Variants in MECOM observed in about 807,000 individuals in gnomAD.
The protein encoded by MECOM is histone-lysine N-methyltransferase MECOM.
In MECOM, 13 loss-of-function variants were observed where a neutral mutation model predicts 116.3. The observed-to-expected ratio is 0.11, with a 90% CI of 0.07 to 0.18. The LOEUF (loss-of-function observed/expected upper bound fraction) is 0.18. Ranked by LOEUF, MECOM falls within the 10% of genes least tolerant of loss-of-function variation. The pLI is 1.00. For synonymous variants in MECOM, 528 were observed against 535.2 expected (o/e 0.99, Z 0.19); for missense variants, 1,299 against 1,509.0 (o/e 0.86, Z 2.31).
At chr3:169,198,978 T>A (rs1395222879) in intron 2 of MECOM, among the ~76,000 whole-genome samples, 2 of 152,026 alleles carry the variant, frequency 1.3e-5, no homozygotes, top group Non-Finnish European at 2.9e-5. Context: ...ATGGAATAAG[T>A]GTGGTCTATA....
At chr3:169,157,812 G>C (rs1279889673) in intron 2 of MECOM, among the ~76,000 whole-genome samples, 1 of 152,128 alleles carries the variant, frequency 6.6e-6, no homozygotes, top group African/African-American at 2.4e-5. Flanking sequence ...ACTAGAAGGG[G>C]GGGATGCCAG....
intron 1 of MECOM, among the ~76,000 whole-genome samples, chr3:169,397,775 G>A (rs1463403149): frequency 6.6e-6 from 1 of 152,170 alleles, no homozygotes; most frequent in East Asian, 1.9e-4. Flanking sequence ...TTATATGAAA[G>A]TGAGGAGTAG....
At chr3:169,420,180 C>A (rs559611709) in intron 1 of MECOM, among the ~76,000 whole-genome samples, 16 of 152,220 alleles carry the variant, frequency 1.1e-4, no homozygotes, top group East Asian at 1.9e-4. Flanking sequence ...ATTAGTTCAA[C>A]CATTGTGGAA....
intron 1 of MECOM, among the ~76,000 whole-genome samples, chr3:169,592,596 A>G (rs1271688586): frequency 6.6e-6 from 1 of 152,212 alleles, no homozygotes; most frequent in African/African-American, 2.4e-5. Context: ...TTATCCAAGC[A>G]CATGAGCTTC....
chr3:169,494,646 T>A (rs1753598285), intron 1 of MECOM, among the ~76,000 whole-genome samples: 1 of 152,200 alleles, frequency 6.6e-6, no homozygotes, highest in Non-Finnish European at 1.5e-5. Context: ...CCTATCTGTA[T>A]TAACTAATCG....
At chr3:169,390,317 T>C (rs1464717435) in intron 1 of MECOM, among the ~76,000 whole-genome samples, 1 of 152,190 alleles carries the variant, frequency 6.6e-6, no homozygotes, top group East Asian at 1.9e-4. Flanking sequence ...TCCCAACATG[T>C]AACCTAGGAG....
chr3:169,483,166 C>T (rs1751588996), intron 1 of MECOM, among the ~76,000 whole-genome samples: 1 of 149,792 alleles, frequency 6.7e-6, no homozygotes, highest in African/African-American at 2.4e-5. Flanking sequence ...TAAATAAATA[C>T]ATGGAGTGAA....
intron 1 of MECOM, among the ~76,000 whole-genome samples, chr3:169,450,883 T>C (rs1289967391): frequency 6.6e-6 from 1 of 152,192 alleles, no homozygotes; most frequent in Non-Finnish European, 1.5e-5. Context: ...AAGTTCATAA[T>C]GGGAACCGAA....
chr3:169,127,965 A>G lies in MECOM; in HGVS notation c.709T>C (p.Ser237Pro), dbSNP rs1396385722. 6.2e-7 allele frequency: 1 copy of G among 1,614,016 alleles called. No homozygotes were observed. The highest frequency in any genetic ancestry group is 8.5e-7 in the Non-Finnish European group (1 of 1,179,910). The change falls in exon 5 of 17, where the codon TCA (serine) becomes CCA (proline). Residue 237 changes from serine (S) to proline (P), a missense_variant. Transcript: ENST00000651503. ...TCCTCTTCAACCATTGAAAATGCTG[A>G]GTGAGGAGTACTGCATGGAAACTTT... ...HQKFPCSTPHSAFSMVEEDFQ... is the reference protein window; with the variant it reads ...HQKFPCSTPHPAFSMVEEDFQ...
At chr3:169,344,825 T>C (rs1456798140) in intron 2 of MECOM, among the ~76,000 whole-genome samples, 2 of 152,170 alleles carry the variant, frequency 1.3e-5, no homozygotes, top group African/African-American at 4.8e-5. Flanking sequence ...TTCTGGTCCA[T>C]AGGCTTCCTG....
In MECOM at chr3:169,361,162, C is replaced by T. The variant is rs147291888; in HGVS notation, c.375+20025G>A. On this transcript the variant is annotated intron_variant, in intron 2 of 16. Transcript: ENST00000651503. ...TTAAATGTACAGCTCTTACCTCTCT[C>T]AACCCTGCTCCACCGCACTACAAGA... Among the ~76,000 whole-genome samples the T allele has an allele frequency of 4.8e-3, 731 of 151,982 alleles. 5 individuals carry two copies. Among genetic ancestry groups the T allele is most frequent in the African/African-American group, 0.016 (679 of 41,498 alleles).
intron 1 of MECOM, among the ~76,000 whole-genome samples, chr3:169,659,977 G>A (rs1002584790): frequency 6.6e-6 from 1 of 152,132 alleles, no homozygotes; most frequent in Admixed American, 6.5e-5. Context: ...CTGGGGGGCC[G>A]GTAGCTAAGG....
At chr3:169,296,091 G>A (rs1028638745) in intron 2 of MECOM, among the ~76,000 whole-genome samples, 11 of 152,148 alleles carry the variant, frequency 7.2e-5, no homozygotes, top group Admixed American at 5.2e-4. Flanking sequence ...GAGTGAAAAG[G>A]GAAATGAAAC....
chr3:169,551,453 G>C (rs1761394803), intron 1 of MECOM, among the ~76,000 whole-genome samples: 2 of 151,878 alleles, frequency 1.3e-5, no homozygotes, highest in South Asian at 2.1e-4. Context: ...CATTTGTCTT[G>C]GTTTACGCAG....
chr3:169,155,182 A>G (rs1336222131), intron 2 of MECOM, among the ~76,000 whole-genome samples: 1 of 152,224 alleles, frequency 6.6e-6, no homozygotes, highest in African/African-American at 2.4e-5. Context: ...AAAGTTGGTT[A>G]CTTAACACTA....
intron 5 of MECOM, among the ~76,000 whole-genome samples, chr3:169,125,209 G>A (rs1403591392): frequency 3.9e-5 from 6 of 151,946 alleles, no homozygotes; most frequent in Non-Finnish European, 8.8e-5. Context: ...CTTTATCTAC[G>A]ATATGTAATC....
intron 2 of MECOM, among the ~76,000 whole-genome samples, chr3:169,378,558 GAA>G (rs1560198540): frequency 7.3e-6 from 1 of 136,336 alleles, no homozygotes; most frequent in Non-Finnish European, 1.6e-5. Context: ...AAGAAAGAAA[GAA>G]AGAAAGAAAG....
At chr3:169,396,370 G>C (rs1004103271) in intron 1 of MECOM, among the ~76,000 whole-genome samples, 1 of 152,106 alleles carries the variant, frequency 6.6e-6, no homozygotes, top group Non-Finnish European at 1.5e-5. Context: ...TATGACAATA[G>C]AGCACATGAC....
At chr3:169,213,071 CTT>C (rs200530539) in intron 2 of MECOM, among the ~76,000 whole-genome samples, 2 of 141,956 alleles carry the variant, frequency 1.4e-5, no homozygotes, top group African/African-American at 5.3e-5. Flanking sequence ...TCCTCTCTTT[CTT>C]TTTTATTTTT....
Sources: allele counts gnomAD v4.1 joint callset (sites outside exome capture counted in the v4.1 genomes callset), GRCh38; gene constraint gnomAD v4.1.1; transcripts MANE v1.5; gene names NCBI Gene and HGNC (gene_info 2026-07-23, HGNC 2026-07-21).